The following GRID2 variants were observed in gnomAD, a reference collection of about 807,000 sequenced individuals.
The protein encoded by GRID2 is glutamate ionotropic receptor delta type subunit 2.
A neutral mutation model predicts 114.8 loss-of-function variants in GRID2; 33 were observed. That is an observed-to-expected ratio of 0.29 (90% CI 0.22 to 0.38). GRID2 has a LOEUF of 0.38. Among genes scored for constraint, GRID2 ranks in the 10% least tolerant of loss-of-function variants. The pLI is 1.00. For missense variants in GRID2, 1,184 were observed against 1,257.7 expected (o/e 0.94, Z 0.89); for synonymous variants, 505 against 449.9 (o/e 1.12, Z -1.55).
At chr4:93,259,057 T>C (rs369928497) in intron 8 of GRID2, 13 of 345,808 alleles carry the variant, frequency 3.8e-5, no homozygotes, top group African/African-American at 1.9e-4. Flanking sequence ...AAAAGTATTA[T>C]AGAGATGCTT....
chr4:93,544,511 C>T (rs1732999396), intron 13 of GRID2, among the ~76,000 whole-genome samples: 1 of 152,034 alleles, frequency 6.6e-6, no homozygotes, highest in African/African-American at 2.4e-5. Context: ...GGTACGGTGG[C>T]TGACACCTGT....
intron 4 of GRID2, among the ~76,000 whole-genome samples, chr4:93,200,255 G>T (rs1741931870): frequency 6.6e-6 from 1 of 152,164 alleles, no homozygotes; most frequent in African/African-American, 2.4e-5. Flanking sequence ...AGAAGCACAA[G>T]TATCACCATT....
chr4:93,449,069 GC>G (rs1337551354), intron 10 of GRID2, among the ~76,000 whole-genome samples: 3 of 147,548 alleles, frequency 2.0e-5, no homozygotes, highest in African/African-American at 7.6e-5. Context: ...TTTCTCCCAA[GC>G]AAACCTGGAA....
intron 8 of GRID2, among the ~76,000 whole-genome samples, chr4:93,336,424 G>A (rs1208004204): frequency 6.6e-6 from 1 of 152,078 alleles, no homozygotes; most frequent in African/African-American, 2.4e-5. Context: ...ATAAATCACA[G>A]CTTTCTGGTA....
At chr4:93,784,817 AGG>A (rs1734560519) in intron 1 of GRID2, among the ~76,000 whole-genome samples, 2 of 152,192 alleles carry the variant, frequency 1.3e-5, no homozygotes, top group South Asian at 4.1e-4. Context: ...AACTGAAAGA[AGG>A]GAGAGAAGAT....
chr4:92,589,972 T>A (rs139131329), intron 1 of GRID2, among the ~76,000 whole-genome samples, 159 bp from the exon 2 acceptor site: 1 of 152,322 alleles, frequency 6.6e-6, no homozygotes, highest in East Asian at 1.9e-4. Flanking sequence ...TCTCAGCTAT[T>A]ACACTGCTTC....
At chr4:92,817,117 C>G (rs1024532523) in intron 2 of GRID2, among the ~76,000 whole-genome samples, 1 of 152,110 alleles carries the variant, frequency 6.6e-6, no homozygotes, top group African/African-American at 2.4e-5. Flanking sequence ...TCACATCCAG[C>G]TGGCCACTAA....
At chr4:92,665,960 T>C (rs573684743) in intron 2 of GRID2, among the ~76,000 whole-genome samples, 37 of 151,692 alleles carry the variant, frequency 2.4e-4, no homozygotes, top group African/African-American at 7.5e-4. Flanking sequence ...TTCCTGTCTT[T>C]CCTCAAATTT....
At position 93,490,757 on chromosome 4, in the gene GRID2, A is replaced by G. The variant is rs1580230834; in HGVS notation, c.1977A>G (p.Thr659=). 1 of 1,609,356 alleles carries G rather than the reference A, an allele frequency of 6.2e-7. No individual in the cohort carries two copies. The highest frequency in any genetic ancestry group is 8.5e-7 in the Non-Finnish European group (1 of 1,176,906). The change falls in exon 12 of 16, where the codon ACA becomes ACG. Residue 659 remains threonine, a synonymous_variant. Transcript: ENST00000282020. Reference sequence around the variant, plus strand: ...ACCTCGCTGCTTTCCTCACTATTACACGCATTGAAAGTTCCATCCAGTAAG... The same window carrying G: ...ACCTCGCTGCTTTCCTCACTATTACGCGCATTGAAAGTTCCATCCAGTAAG... ...TANLAAFLTI[T]RIESSIQSLQ... is the part of the protein sequence containing the mutation.
chr4:93,440,651 C>T (rs1467348675), intron 10 of GRID2, among the ~76,000 whole-genome samples: 2 of 151,870 alleles, frequency 1.3e-5, no homozygotes, highest in African/African-American at 4.8e-5. Context: ...AAAACATGGC[C>T]AAAAATATTT....
intron 1 of GRID2, among the ~76,000 whole-genome samples, chr4:92,429,753 C>T (rs1031299261): frequency 2.0e-5 from 3 of 152,066 alleles, no homozygotes; most frequent in Non-Finnish European, 1.5e-5. Context: ...TCCACACCCT[C>T]GCCAGCATTC....
At chr4:92,412,313 A>C (rs1253614670) in intron 1 of GRID2, among the ~76,000 whole-genome samples, 1 of 152,166 alleles carries the variant, frequency 6.6e-6, no homozygotes, top group Non-Finnish European at 1.5e-5. Context: ...ATATTTTTAA[A>C]GAATATTTGT....
intron 2 of GRID2, among the ~76,000 whole-genome samples, chr4:92,948,474 T>G (rs1443493747): frequency 1.3e-5 from 2 of 151,910 alleles, no homozygotes; most frequent in East Asian, 3.9e-4. Flanking sequence ...CTTTTAGTAT[T>G]TTAGATTTAC....
intron 4 of GRID2, among the ~76,000 whole-genome samples, chr4:93,134,131 G>C (rs1304405002): frequency 6.6e-6 from 1 of 152,040 alleles, no homozygotes; most frequent in African/African-American, 2.4e-5. Flanking sequence ...GGACTTCTTA[G>C]GCTGGAAGTC....
chr4:92,914,716 C>G (rs1222906591), intron 2 of GRID2, among the ~76,000 whole-genome samples: 1 of 152,068 alleles, frequency 6.6e-6, no homozygotes, highest in Non-Finnish European at 1.5e-5. Flanking sequence ...TAATTGCCTC[C>G]AGCTTATCCA....
At chr4:92,320,647 T>G (rs545077758) in intron 1 of GRID2, among the ~76,000 whole-genome samples, 18 of 152,126 alleles carry the variant, frequency 1.2e-4, no homozygotes, top group African/African-American at 4.3e-4. Context: ...CTAGCTAATT[T>G]TTGTATTATT....
intron 8 of GRID2, among the ~76,000 whole-genome samples, chr4:93,380,390 G>A (rs1249792212): frequency 6.6e-6 from 1 of 151,434 alleles, no homozygotes; most frequent in African/African-American, 2.4e-5. Context: ...CTGTCCTCTG[G>A]AACTTGGAGA....
chr4:92,858,662 A>G (rs1165972690), intron 2 of GRID2, among the ~76,000 whole-genome samples: 1 of 152,080 alleles, frequency 6.6e-6, no homozygotes, highest in African/African-American at 2.4e-5. Context: ...GGTTCACGCT[A>G]TTCTTCTACC....
intron 1 of GRID2, among the ~76,000 whole-genome samples, chr4:93,791,508 A>G: frequency 6.6e-6 from 1 of 152,122 alleles, no homozygotes; most frequent in Admixed American, 6.5e-5. Flanking sequence ...CGGTCTTTAT[A>G]TTTGTTGTCC....
Sources: gnomAD v4.1 joint callset for allele counts (sites outside exome capture counted in the v4.1 genomes callset) on GRCh38, gnomAD v4.1.1 for gene constraint, MANE v1.5 for transcripts, NCBI Gene and HGNC (gene_info 2026-07-23, HGNC 2026-07-21) for gene names.